DACT1: variants seen among roughly 807,000 people sequenced by gnomAD.
DACT1 encodes the protein dapper homolog 1.
DACT1 carries 19 observed loss-of-function variants against 35.3 expected under a neutral mutation model. The observed-to-expected ratio is 0.54, with a 90% confidence interval of 0.38 to 0.79. The LOEUF (loss-of-function observed/expected upper bound fraction) is 0.79. Among genes scored for constraint, DACT1 ranks in the 30% least tolerant of loss-of-function variants. DACT1 has a pLI of 0.00. For synonymous variants in DACT1, 545 were observed against 466.7 expected (o/e 1.17, Z -2.16); for missense variants, 1,143 against 1,057.5 (o/e 1.08, Z -1.12).
intron 3 of DACT1, among the ~76,000 whole-genome samples, chr14:58,643,307 T>G (rs2047644706): frequency 6.6e-6 from 1 of 152,240 alleles, no homozygotes; most frequent in African/African-American, 2.4e-5. Context: ...CATTGTGAAT[T>G]CTTATAAGAG....
Position 58,640,796 on chromosome 14 carries a change from A to AATC in DACT1, c.406_407insATC (p.Ile136delinsAsnLeu), listed in dbSNP as rs755782198. ...TCAGTTGCAAGAGCTTGACAAGCAG[A>AATC]TAAGTGACCTGAGACTGGATGTAGA... is the stretch of plus-strand genomic sequence containing the variant. On this transcript the variant is annotated protein_altering_variant, in exon 2 of 4. Transcript: ENST00000395153. 1.2e-6 allele frequency: 2 copies of AATC among 1,614,072 alleles called. No individual in the cohort carries two copies. Among genetic ancestry groups the AATC allele is most frequent in the African/African-American group, 2.7e-5 (2 of 74,940 alleles).
chr14:58,643,096 G>A (rs1335274209), intron 3 of DACT1, among the ~76,000 whole-genome samples: 1 of 152,184 alleles, frequency 6.6e-6, no homozygotes, highest in Non-Finnish European at 1.5e-5. Context: ...GATGGTGAGT[G>A]GCAGAGGCAG....
rs561781972 is a variant in DACT1, at chr14:58,647,085, A to T, written c.2351A>T (p.Lys784Met). The T allele has an allele frequency of 1.2e-6, 2 of 1,614,074 alleles. No individual in the cohort carries two copies. The highest frequency in any genetic ancestry group is 1.7e-6 in the Non-Finnish European group (2 of 1,180,030). ...AAGGCCTCACATAACCTCAAGAAGA[A>T]GATCCTCCGCTTTCGGTCTGGCTCT... ...KIKASHNLKKKILRFRSGSLK... is the reference protein window; with the variant it reads ...KIKASHNLKKMILRFRSGSLK... The change falls in exon 4 of 4, where the codon AAG becomes ATG. Residue 784 changes from lysine to methionine, a missense_variant. By Grantham distance (95) the Lys-to-Met change is moderately conservative. This residue lies in a region of DACT1 where 1,054 missense variants were observed against 958.8 expected (regional missense o/e 1.10). Coordinates refer to ENST00000395153, the MANE Select transcript of DACT1 (RefSeq NM_001079520.2).
chr14:58,638,607 G>C, intron 1 of DACT1, 60 bp downstream of exon 1: 1 of 1,285,322 alleles, frequency 7.8e-7, no homozygotes, highest in South Asian at 3.5e-5. Context: ...AGGTCGGGCA[G>C]GTGGCCTGGG....
At chr14:58,637,828 G>A (rs1179102847), upstream of DACT1, among the ~76,000 whole-genome samples, 1 of 151,812 alleles carries the variant, frequency 6.6e-6, no homozygotes, top group African/African-American at 2.4e-5. Flanking sequence ...CGGCTCTGGG[G>A]GCCGGGCGGC....
At chr14:58,643,505 T>C (rs2047646338) in intron 3 of DACT1, among the ~76,000 whole-genome samples, 1 of 152,178 alleles carries the variant, frequency 6.6e-6, no homozygotes, top group African/African-American at 2.4e-5. Context: ...GCAGCAATCA[T>C]TTGAGGAAGC....
chr14:58,635,183 G>C (rs973558511), upstream of DACT1, among the ~76,000 whole-genome samples: 7 of 152,214 alleles, frequency 4.6e-5, no homozygotes, highest in African/African-American at 1.7e-4. Flanking sequence ...AATCAAAACA[G>C]TAGGGGGAAG....
Position 58,646,225 on chromosome 14 carries a change from G to A in DACT1, c.1491G>A (p.Glu497=), listed in dbSNP as rs747249022. Residue 497 remains glutamate, a synonymous_variant, in exon 4 of 4, where the codon GAG becomes GAA. Transcript: ENST00000395153. ...PLLSTAFPVE[E]RPALDFKSEG... ...TGTCTACAGCTTTCCCCGTGGAAGA[G>A]AGGCCTGCCTTGGATTTCAAGAGCG... The A allele has an allele frequency of 2.5e-6, 4 of 1,614,028 alleles. No homozygotes were observed. Among genetic ancestry groups the A allele is most frequent in the Non-Finnish European group, 3.4e-6 (4 of 1,179,974 alleles).
chr14:58,638,819 C>G, intron 1 of DACT1: 1 of 1,158,034 alleles, frequency 8.6e-7, no homozygotes, highest in Non-Finnish European at 1.1e-6. Flanking sequence ...CCCTCCTCCT[C>G]TGCCTTCGGG....
At position 58,638,442 on chromosome 14, in the gene DACT1, A is replaced by G; in HGVS notation, c.240A>G (p.Gly80=). The G allele has an allele frequency of 7.5e-7, 1 of 1,340,156 alleles. No individual in the cohort carries two copies. Among genetic ancestry groups the G allele is most frequent in the Non-Finnish European group, 9.6e-7 (1 of 1,042,202 alleles). The allele number at this position is 1,340,156 out of a possible 1,614,324, so 83.0% of individuals were successfully genotyped here. A position where few individuals can be genotyped will look rare whatever the true frequency, so the allele number is the denominator to read the frequency against. Residue 80 remains glycine, a synonymous_variant, in exon 1 of 4, where the codon GGA becomes GGG. Transcript: ENST00000395153. ...CCCTGCGCGGCGCCGGGGGTGCGGG[A>G]GCCGCTGCGCCCCGCGCTGGGGAGC... ...RGALRGAGGA[G]AAAPRAGELL...
chr14:58,638,807 T>G, intron 1 of DACT1: 5 of 1,160,210 alleles, frequency 4.3e-6, no homozygotes, highest in South Asian at 4.4e-5. Context: ...GTGGCCGCTC[T>G]TCCCTCCTCC....
chr14:58,638,709 C>T (rs952896037), intron 1 of DACT1, 162 bp downstream of exon 1: 15 of 1,189,004 alleles, frequency 1.3e-5, no homozygotes, highest in South Asian at 4.4e-5. Context: ...TTCCTGAGTG[C>T]CCGCGGCGTG....
At position 58,647,085 on chromosome 14, in the gene DACT1, A is replaced by G. The variant is rs561781972; in HGVS notation, c.2351A>G (p.Lys784Arg). The G allele has an allele frequency of 6.2e-7, 1 of 1,614,192 alleles. No homozygotes were observed. Among genetic ancestry groups the G allele is most frequent in the South Asian group, 1.1e-5 (1 of 91,082 alleles). The change falls in exon 4 of 4, where the codon AAG becomes AGG. Residue 784 changes from lysine (K) to arginine (R), a missense_variant. Coordinates refer to ENST00000395153, the MANE Select transcript of DACT1 (RefSeq NM_001079520.2). The stretch of plus-strand genomic sequence containing the variant: ...AAGGCCTCACATAACCTCAAGAAGA[A>G]GATCCTCCGCTTTCGGTCTGGCTCT... ...KIKASHNLKK[K>R]ILRFRSGSLK...
chr14:58,646,921 C>T lies in DACT1; in HGVS notation c.2187C>T (p.Phe729=), dbSNP rs781117085. 6.3e-7 allele frequency: 1 copy of T among 1,596,552 alleles called. No individual in the cohort carries two copies. Among genetic ancestry groups the T allele is most frequent in the Admixed American group, 1.7e-5 (1 of 59,456 alleles). The stretch of plus-strand genomic sequence containing the variant: ...AGTCGAGTGTGAGCGAGGGCGAGTT[C>T]GTGGGGGAGAGCACAACCACCAGCG... ...DSESSVSEGE[F]VGESTTTSDS... The change falls in exon 4 of 4, where the codon TTC becomes TTT. Residue 729 remains phenylalanine (F), a synonymous_variant. Transcript: ENST00000395153.
chr14:58,641,655 G>A lies in DACT1; in HGVS notation c.542G>A (p.Ser181Asn), dbSNP rs1445960023. Reference protein sequence around the residue: ...SLSNSSNSVFSECLSSCHSST... With the variant: ...SLSNSSNSVFNECLSSCHSST... ...TCCAATTCCTCTAACTCGGTGTTCA[G>A]TGAGTGTTTATCCAGTTGTCATTCC... Residue 181 changes from serine (S) to asparagine (N), a missense_variant, in exon 3 of 4, where the codon AGT becomes AAT. This residue lies in a region of DACT1 where 1,054 missense variants were observed against 958.8 expected (regional missense o/e 1.10). Coordinates refer to ENST00000395153, the MANE Select transcript of DACT1 (RefSeq NM_001079520.2). 1.2e-6 allele frequency: 2 copies of A among 1,614,058 alleles called. No homozygotes were observed. Among genetic ancestry groups the A allele is most frequent in the South Asian group, 1.1e-5 (1 of 91,092 alleles).
chr14:58,645,057 T>C (rs1206998884), intron 3 of DACT1, among the ~76,000 whole-genome samples: 1 of 152,222 alleles, frequency 6.6e-6, no homozygotes, highest in Non-Finnish European at 1.5e-5. Context: ...CTTCAGAGGA[T>C]ATATCATATG....
In DACT1 at chr14:58,646,851, A is replaced by G. The variant is rs765999323; in HGVS notation, c.2117A>G (p.Glu706Gly). 9 of 1,614,194 alleles carry G rather than the reference A, an allele frequency of 5.6e-6. No homozygotes were observed. The highest frequency in any genetic ancestry group is 7.6e-6 in the Non-Finnish European group (9 of 1,180,026). The stretch of plus-strand genomic sequence containing the variant: ...CACTCCACCGTGGTGGACACCAGTG[A>G]GGACGAGCAGAGCAATTACACCACC... Reference protein sequence around the residue: ...LFHSTVVDTSEDEQSNYTTNC... With the variant: ...LFHSTVVDTSGDEQSNYTTNC... Residue 706 changes from glutamate (E) to glycine (G), a missense_variant, in exon 4 of 4, where the codon GAG becomes GGG. Glu to Gly is a moderately conservative substitution (Grantham distance 98). Transcript: ENST00000395153.
At position 58,637,984 on chromosome 14, in the gene DACT1, C is replaced by G; in HGVS notation, c.-219C>G. On this transcript the variant is annotated 5_prime_UTR_variant, in exon 1 of 4. Coordinates refer to ENST00000395153, the MANE Select transcript of DACT1 (RefSeq NM_001079520.2). The stretch of plus-strand genomic sequence containing the variant: ...GGCGTTATCAGCTGCCGGGCCGCGG[C>G]GAGGGACGCGCGGCGACAGCGGACG... The G allele has an allele frequency of 3.3e-6, 1 of 304,196 alleles. No homozygotes were observed. Among genetic ancestry groups the G allele is most frequent in the Non-Finnish European group, 5.6e-6 (1 of 177,856 alleles). The allele number at this position is 304,196 out of a possible 1,614,324, so 18.8% of individuals were successfully genotyped here. A position where few individuals can be genotyped will look rare whatever the true frequency, so the allele number is the denominator to read the frequency against.
rs1432055839 is a variant in DACT1 at position 58,646,108 on chromosome 14, C to T, written c.1374C>T (p.Ala458=). Residue 458 remains alanine, a synonymous_variant, in exon 4 of 4, where the codon GCC becomes GCT. Transcript: ENST00000395153. ...AAGAGAGTCCTAGCAGAGGCCCTGC[C>T]CCGCCGCAGGAGAACAAAGTTGTAC... is the stretch of plus-strand genomic sequence containing the variant. The part of the protein sequence containing the change: ...SPKESPSRGP[A]PPQENKVVQP... The T allele has an allele frequency of 1.9e-6, 3 of 1,612,674 alleles. No homozygotes were observed. In the East Asian group the frequency reaches 6.7e-5, roughly 36 times the overall value.
Sources: allele counts gnomAD v4.1 joint callset (sites outside exome capture counted in the v4.1 genomes callset), GRCh38; gene constraint gnomAD v4.1.1; regional missense constraint gnomAD v4.1.1; transcripts MANE v1.5; gene names NCBI Gene and HGNC (gene_info 2026-07-23, HGNC 2026-07-21).